Variants in DPY19L2 observed in about 807,000 individuals in gnomAD.
DPY19L2 encodes probable C-mannosyltransferase DPY19L2.
A neutral mutation model predicts 97.9 loss-of-function variants in DPY19L2; 34 were observed. The ratio of observed to expected loss-of-function variants is 0.35; its 90% CI spans 0.26 to 0.46. The LOEUF (loss-of-function observed/expected upper bound fraction) is 0.46. DPY19L2 is among the 20% of genes least tolerant of loss of function. The pLI is 1.00. For missense variants in DPY19L2, 623 were observed against 911.4 expected, an observed-to-expected ratio of 0.68 and a Z score of 4.07; for synonymous variants, 230 against 307.9, an observed-to-expected ratio of 0.75 and a Z score of 2.65.
intron 8 of DPY19L2, among the ~76,000 whole-genome samples, chr12:63,622,350 A>C (rs930851183): frequency 2.6e-5 from 4 of 152,148 alleles, no homozygotes; most frequent in African/African-American, 7.2e-5. Flanking sequence ...TCCATCACCT[A>C]ATCTTTGAGA....
At chr12:63,655,686 T>C (rs1894869196) in intron 4 of DPY19L2, among the ~76,000 whole-genome samples, 1 of 151,174 alleles carries the variant, frequency 6.6e-6, no homozygotes, top group Middle Eastern at 3.2e-3. Context: ...TTGTTTACCT[T>C]TCCCCCAGCA....
In DPY19L2 at chr12:63,668,292, C is replaced by CTAG; in HGVS notation, c.101_102insCTA (p.Glu34delinsAspTer). ...CTAGGGCCGACTTTTCCATCTCCTC[C>CTAG]TCTACCTCCGGCTCCCGGGCGAGGG... On this transcript the variant is annotated stop_gained and protein_altering_variant, in exon 1 of 22. Coordinates refer to ENST00000324472, the MANE Select transcript of DPY19L2 (RefSeq NM_173812.5). LOFTEE classifies it high-confidence loss of function. 1 of 1,613,974 alleles carries CTAG rather than the reference C, an allele frequency of 6.2e-7. No individual in the cohort carries two copies. Among genetic ancestry groups the CTAG allele is most frequent in the Non-Finnish European group, 8.5e-7 (1 of 1,179,928 alleles).
intron 16 of DPY19L2, among the ~76,000 whole-genome samples, chr12:63,589,194 C>A (rs565368574): frequency 6.6e-6 from 1 of 151,858 alleles, no homozygotes; most frequent in South Asian, 2.1e-4. Flanking sequence ...CAAAATTGTT[C>A]TGGAAGTTCT....
At chr12:63,632,347 G>T (rs1351144795) in intron 6 of DPY19L2, among the ~76,000 whole-genome samples, 1 of 152,172 alleles carries the variant, frequency 6.6e-6, no homozygotes, top group African/African-American at 2.4e-5. Context: ...TCCTTAAGCT[G>T]ATAGGCAACT....
intron 16 of DPY19L2, among the ~76,000 whole-genome samples, chr12:63,586,265 G>A (rs1442628962): frequency 6.6e-6 from 1 of 152,012 alleles, no homozygotes; most frequent in African/African-American, 2.4e-5. Context: ...AAATATGAGG[G>A]CAAAATAAAG....
intron 6 of DPY19L2, among the ~76,000 whole-genome samples, chr12:63,636,536 CAT>C (rs1409003404): frequency 6.6e-6 from 1 of 152,074 alleles, no homozygotes; most frequent in African/African-American, 2.4e-5. Context: ...AAACCCATCT[CAT>C]GTGCAGAGAC....
intron 4 of DPY19L2, among the ~76,000 whole-genome samples, chr12:63,650,249 A>G (rs1047544914): frequency 1.4e-4 from 22 of 152,156 alleles, no homozygotes; most frequent in African/African-American, 4.3e-4. Flanking sequence ...ATTTGCCTTG[A>G]GAACTGGAAC....
At chr12:63,652,164 G>T (rs1894340830) in intron 4 of DPY19L2, among the ~76,000 whole-genome samples, 1 of 152,098 alleles carries the variant, frequency 6.6e-6, no homozygotes, top group Non-Finnish European at 1.5e-5. Context: ...TATTTATGTG[G>T]CCATCAATCA....
chr12:63,640,458 T>G (rs889983038), intron 6 of DPY19L2, among the ~76,000 whole-genome samples: 2 of 152,174 alleles, frequency 1.3e-5, no homozygotes, highest in African/African-American at 4.8e-5. Context: ...CTTGAACAAA[T>G]CATATCTGTA....
chr12:63,581,479 C>CT (rs71086686), intron 18 of DPY19L2, among the ~76,000 whole-genome samples: 26,934 of 91,828 alleles, frequency 0.29, 5,361 homozygotes, highest in African/African-American at 0.4. Flanking sequence ...CCAGGAAACT[C>CT]TTTTTTTTTT....
At chr12:63,586,048 T>C (rs535088350) in intron 16 of DPY19L2, among the ~76,000 whole-genome samples, 1 of 151,988 alleles carries the variant, frequency 6.6e-6, no homozygotes, top group East Asian at 1.9e-4. Context: ...ATAAAAGCAA[T>C]AACAGAAATT....
chr12:63,635,687 G>GT (rs1458831974), intron 6 of DPY19L2, among the ~76,000 whole-genome samples: 2 of 152,268 alleles, frequency 1.3e-5, no homozygotes, highest in Admixed American at 1.3e-4. Context: ...AAGGGTATCA[G>GT]TGATGGACGA....
chr12:63,614,324 C>A (rs1887511425), intron 11 of DPY19L2, among the ~76,000 whole-genome samples: 11 of 151,948 alleles, frequency 7.2e-5, no homozygotes, highest in Admixed American at 7.2e-4. Flanking sequence ...TGAAGGAATT[C>A]TCTTGTAGAA....
intron 6 of DPY19L2, among the ~76,000 whole-genome samples, chr12:63,639,148 C>CATAT (rs1453907676): frequency 4.6e-5 from 7 of 152,078 alleles, no homozygotes; most frequent in Non-Finnish European, 1.0e-4. Flanking sequence ...ACTGGCTAGC[C>CATAT]ATATGTAGGA....
chr12:63,575,577 G>A (rs1218390451), intron 19 of DPY19L2, among the ~76,000 whole-genome samples: 1 of 151,468 alleles, frequency 6.6e-6, no homozygotes, highest in East Asian at 1.9e-4. Flanking sequence ...AAAGACAGAA[G>A]GCCCAAATAA....
chr12:63,567,158 C>T (rs538827845), intron 21 of DPY19L2, among the ~76,000 whole-genome samples: 1 of 152,042 alleles, frequency 6.6e-6, no homozygotes, highest in East Asian at 1.9e-4. Context: ...TCTTCTTCTC[C>T]TCCCTACCCT....
chr12:63,668,215 T>C lies in DPY19L2; in HGVS notation c.179A>G (p.Gln60Arg), dbSNP rs775421818. 1.9e-6 allele frequency: 3 copies of C among 1,613,880 alleles called. No individual in the cohort carries two copies. Among genetic ancestry groups the C allele is most frequent in the African/African-American group, 2.7e-5 (2 of 74,990 alleles). ...CAAGCCTTTTCGCTCTTTCAGACTT[T>C]GGATCCTCCCCGGGGAGGACCTCCA... Reference protein sequence around the residue: ...GSWRSSPGRIQSLKERKGLEL... With the variant: ...GSWRSSPGRIRSLKERKGLEL... The change falls in exon 1 of 22, where the codon CAA becomes CGA. Residue 60 changes from glutamine (Q) to arginine (R), a missense_variant. This residue lies in a region of DPY19L2 where 144 missense variants were observed against 119.4 expected (regional missense o/e 1.21). Coordinates refer to ENST00000324472, the MANE Select transcript of DPY19L2 (RefSeq NM_173812.5).
chr12:63,656,122 T>TTGC (rs1565849994), intron 4 of DPY19L2, among the ~76,000 whole-genome samples: 2 of 152,180 alleles, frequency 1.3e-5, no homozygotes, highest in African/African-American at 4.8e-5. Flanking sequence ...TTTGTTGTTG[T>TTGC]TGCTGCTGAC....
intron 11 of DPY19L2, among the ~76,000 whole-genome samples, chr12:63,613,454 C>T (rs1393234059): frequency 6.6e-6 from 1 of 152,096 alleles, no homozygotes. Context: ...CAGAAGGGAA[C>T]TTCTTTAAGC....
Sources: gnomAD v4.1 joint callset for allele counts (sites outside exome capture counted in the v4.1 genomes callset) on GRCh38, gnomAD v4.1.1 for gene constraint, gnomAD v4.1.1 regional missense constraint, MANE v1.5 for transcripts, NCBI Gene and HGNC (gene_info 2026-07-23, HGNC 2026-07-21) for gene names.